The following SETD2 variants were observed in gnomAD, a reference collection of about 807,000 sequenced individuals.
The protein encoded by SETD2 is histone-lysine N-methyltransferase SETD2.
A neutral mutation model predicts 242.1 loss-of-function variants in SETD2; 31 were observed. The ratio of observed to expected loss-of-function variants is 0.13; its 90% CI spans 0.10 to 0.17. The LOEUF is 0.17. Among genes scored for constraint, SETD2 ranks in the 10% least tolerant of loss-of-function variants. The pLI is 1.00. For missense variants in SETD2, 2,481 were observed against 3,046.3 expected (o/e 0.81, Z 4.37); for synonymous variants, 1,006 against 1,066.5 (o/e 0.94, Z 1.11).
chr3:47,075,738 A>T (rs2041045729), intron 12 of SETD2, among the ~76,000 whole-genome samples: 1 of 152,184 alleles, frequency 6.6e-6, no homozygotes, highest in Non-Finnish European at 1.5e-5. Flanking sequence ...GCTGTCACTT[A>T]AAAGCTAAGT....
At chr3:47,067,308 A>G (rs1319879611) in intron 12 of SETD2, among the ~76,000 whole-genome samples, 190 bp from the exon 13 acceptor site, 5 of 152,016 alleles carry the variant, frequency 3.3e-5, no homozygotes, top group Non-Finnish European at 2.9e-5. Flanking sequence ...GAAAAAATAT[A>G]TAGCAGAAAT....
intron 1 of SETD2, among the ~76,000 whole-genome samples, chr3:47,157,372 A>T (rs2044149161): frequency 6.6e-6 from 1 of 152,160 alleles, no homozygotes; most frequent in South Asian, 2.1e-4. Flanking sequence ...TTGCCACTGT[A>T]CTCTAACCTG....
intron 6 of SETD2, among the ~76,000 whole-genome samples, chr3:47,105,240 T>C (rs534670011): frequency 6.6e-6 from 1 of 151,734 alleles, no homozygotes; most frequent in Middle Eastern, 3.2e-3. Flanking sequence ...CAAAACCCCG[T>C]CTCTACTAAA....
chr3:47,040,355 T>C (rs2039223113), intron 17 of SETD2, among the ~76,000 whole-genome samples: 1 of 152,128 alleles, frequency 6.6e-6, no homozygotes, highest in African/African-American at 2.4e-5. Context: ...TTAAGCTTCT[T>C]TATGTCACAA....
rs182911887 is a variant in SETD2, at chr3:47,142,390, T to C, written c.72-15727A>G. On this transcript the variant is annotated intron_variant, in intron 1 of 20. Transcript: ENST00000409792. The stretch of plus-strand genomic sequence containing the variant: ...CAGGTGTGATGGTGTGCGCCTGTAG[T>C]CCCAGCTACTCAGGAGGCTGAGGTG... Among the ~76,000 whole-genome samples the C allele has an allele frequency of 3.8e-3, 579 of 152,142 alleles. 7 individuals are homozygous for C. Among genetic ancestry groups the C allele is most frequent in the Non-Finnish European group, 6.6e-3 (446 of 68,004 alleles).
At position 47,123,103 on chromosome 3, in the gene SETD2, A is replaced by C. The variant is rs1448872145; in HGVS notation, c.1533T>G (p.Ser511=). The C allele has an allele frequency of 1.9e-6, 3 of 1,613,488 alleles. No homozygotes were observed. Among genetic ancestry groups the C allele is most frequent in the Non-Finnish European group, 1.7e-6 (2 of 1,179,596 alleles). ...YLEMERRGKY[S]SKLERESKRT... is the part of the protein sequence containing the mutation. The stretch of plus-strand genomic sequence containing the variant: ...TTTTAGATTCTCTTTCTAGTTTTGA[A>C]GAATACTTGCCTCTTCTTTCCATCT... Residue 511 remains serine, a synonymous_variant, in exon 3 of 21, where the codon TCT becomes TCG. Coordinates refer to ENST00000409792, the MANE Select transcript of SETD2 (RefSeq NM_014159.7).
intron 12 of SETD2, among the ~76,000 whole-genome samples, chr3:47,070,712 C>T (rs1368255506): frequency 6.6e-6 from 1 of 152,138 alleles, no homozygotes; most frequent in Admixed American, 6.6e-5. Context: ...GATCACCTTA[C>T]TTTGTTAAAT....
chr3:47,111,804 T>C (rs1469463326), intron 5 of SETD2, among the ~76,000 whole-genome samples: 1 of 151,024 alleles, frequency 6.6e-6, no homozygotes, highest in South Asian at 2.1e-4. Flanking sequence ...ATTCCTGTCA[T>C]AAAACTAAAT....
In SETD2 at chr3:47,163,977, CGGGGG is replaced by C. The variant is rs1202907842; in HGVS notation, c.-58_-54del. 7 of 1,256,494 alleles carry C rather than the reference CGGGGG, an allele frequency of 5.6e-6. No individual in the cohort carries two copies. The highest frequency in any genetic ancestry group is 7.0e-6 in the Non-Finnish European group (7 of 994,056). 77.8% of individuals were successfully genotyped at this position (1,256,494 alleles called of 1,614,324 possible). On this transcript the variant is annotated 5_prime_UTR_variant, in exon 1 of 21. Coordinates refer to ENST00000409792, the MANE Select transcript of SETD2 (RefSeq NM_014159.7). Reference sequence around the variant, plus strand: ...GCCCCCTCCCCGCAGCAGGGCGACGCGGGGGAGGGGAGGGGAGGAGGCCGCAGGTC... The same window carrying C: ...GCCCCCTCCCCGCAGCAGGGCGACGCAGGGGAGGGGAGGAGGCCGCAGGTC...
At chr3:47,084,976 C>T (rs1209452158) in intron 11 of SETD2, among the ~76,000 whole-genome samples, 1 of 151,676 alleles carries the variant, frequency 6.6e-6, no homozygotes, top group Non-Finnish European at 1.5e-5. Context: ...GGTGATCCAC[C>T]TGCCTCAGCC....
At chr3:47,029,049 C>T in intron 18 of SETD2, 1 of 191,846 alleles carries the variant, frequency 5.2e-6, no homozygotes. Flanking sequence ...AACTATCAAA[C>T]ACCCCCAAAC....
In SETD2 at chr3:47,086,274, C is replaced by T. The variant is rs750518294; in HGVS notation, c.5318G>A (p.Arg1773His). ...GATCCACAACAAAGACAGCCCATGA[C>T]GTTCCAGAAAGGACTTCAGGCAGGA... ...SQSCLKSFLE[R>H]HGLSLLWIWM... Residue 1773 changes from arginine (R) to histidine (H), a missense_variant, in exon 11 of 21, where the codon CGT becomes CAT. Transcript: ENST00000409792. 3.7e-6 allele frequency: 6 copies of T among 1,613,132 alleles called. No individual in the cohort carries two copies. The highest frequency in any genetic ancestry group is 1.7e-5 in the Admixed American group (1 of 59,978).
At chr3:47,084,406 A>G (rs1559702195) in intron 11 of SETD2, 24 bp from the exon 12 acceptor site, 4 of 1,511,718 alleles carry the variant, frequency 2.6e-6, no homozygotes, top group Non-Finnish European at 3.6e-6. Context: ...AAAAAAAATT[A>G]CATCACTTTG....
At chr3:47,152,240 T>C (rs1014699178) in intron 1 of SETD2, among the ~76,000 whole-genome samples, 1 of 152,212 alleles carries the variant, frequency 6.6e-6, no homozygotes, top group African/African-American at 2.4e-5. Flanking sequence ...CTCAAAGAAA[T>C]TTGCCTTTAC....
intron 1 of SETD2, among the ~76,000 whole-genome samples, chr3:47,149,981 C>T (rs1323180523): frequency 6.9e-6 from 1 of 143,900 alleles, no homozygotes. Flanking sequence ...TTTTGGAGTA[C>T]TAAATTTTCT....
At chr3:47,127,236 T>A (rs536357174) in intron 1 of SETD2, among the ~76,000 whole-genome samples, 2 of 151,658 alleles carry the variant, frequency 1.3e-5, no homozygotes, top group African/African-American at 4.8e-5. Flanking sequence ...CGTGCACTTA[T>A]AGTCCCAGCT....
chr3:47,060,679 T>A (rs1300603820), intron 14 of SETD2, among the ~76,000 whole-genome samples: 2 of 152,024 alleles, frequency 1.3e-5, no homozygotes. Flanking sequence ...AATCACCTCC[T>A]CAAGGGAGGA....
At chr3:47,151,103 T>C (rs2043973237) in intron 1 of SETD2, among the ~76,000 whole-genome samples, 1 of 152,066 alleles carries the variant, frequency 6.6e-6, no homozygotes, top group African/African-American at 2.4e-5. Context: ...CTAGGATTCC[T>C]CCATTAAAAG....
At chr3:47,107,268 A>C (rs978326703) in intron 5 of SETD2, among the ~76,000 whole-genome samples, 1 of 152,180 alleles carries the variant, frequency 6.6e-6, no homozygotes, top group Non-Finnish European at 1.5e-5. Flanking sequence ...AAATTTTTTT[A>C]ATGTAAATCT....
Sources: allele counts gnomAD v4.1 joint callset (sites outside exome capture counted in the v4.1 genomes callset), GRCh38; gene constraint gnomAD v4.1.1; transcripts MANE v1.5; gene names NCBI Gene and HGNC (gene_info 2026-07-23, HGNC 2026-07-21).